Variants in DRAP1 observed in about 807,000 individuals in gnomAD.
DRAP1 encodes the protein dr1-associated corepressor.
In DRAP1, 10 loss-of-function variants were observed where a neutral mutation model predicts 24.1. The observed-to-expected ratio is 0.41, with a 90% CI of 0.26 to 0.70. The LOEUF (loss-of-function observed/expected upper bound fraction) is 0.70. Among genes scored for constraint, DRAP1 ranks in the 30% least tolerant of loss-of-function variants. The probability of loss-of-function intolerance (pLI) is 0.29; values close to 1 mark genes in which losing one functional copy is unlikely to be tolerated. For missense variants in DRAP1, 264 were observed against 275.6 expected (o/e 0.96, Z 0.30); for synonymous variants, 122 against 113.8 (o/e 1.07, Z -0.46).
chr11:65,921,429 C>T lies in DRAP1; in HGVS notation c.612C>T (p.Asp204=). The change falls in exon 7 of 7, where the codon GAC becomes GAT. Residue 204 remains aspartate (D), a synonymous_variant. Transcript: ENST00000312515. The part of the protein sequence containing the change: ...APDEEDEEDY[D]S ...ATGAAGAGGACGAAGAAGATTACGACTCCTAGCGCCTTCTGCCCCCCAGAC... is the reference window on the plus strand; with the variant it reads ...ATGAAGAGGACGAAGAAGATTACGATTCCTAGCGCCTTCTGCCCCCCAGAC... 1 of 1,594,580 alleles carries T rather than the reference C, an allele frequency of 6.3e-7. No individual in the cohort carries two copies. Among genetic ancestry groups the T allele is most frequent in the Non-Finnish European group, 8.6e-7 (1 of 1,162,806 alleles).
chr11:65,920,792 T>C (rs2134834555), intron 5 of DRAP1, 92 bp from the exon 6 acceptor site: 2 of 1,476,082 alleles, frequency 1.4e-6, no homozygotes, highest in Non-Finnish European at 1.8e-6. Flanking sequence ...TATTTGTAAA[T>C]TGGGGCTATG....
chr11:65,921,228 G>C (rs1384025832), intron 6 of DRAP1, 102 bp from the exon 7 acceptor site: 15 of 795,886 alleles, frequency 1.9e-5, no homozygotes, highest in Non-Finnish European at 3.1e-5. Flanking sequence ...CTGGAGGGTG[G>C]TGGTGGGAGG....
rs1854517961 is a variant in DRAP1 at position 65,919,448 on chromosome 11, C to T, written c.-54C>T. On this transcript the variant is annotated 5_prime_UTR_variant, in exon 1 of 7. Transcript: ENST00000312515. Reference sequence around the variant, plus strand: ...GGCGGGCGGCGAGCAGGCCCGGGAGCCGGGAGGCTGCGGGCGGCGGCGCTG... The same window carrying T: ...GGCGGGCGGCGAGCAGGCCCGGGAGTCGGGAGGCTGCGGGCGGCGGCGCTG... The T allele has an allele frequency of 1.3e-6, 2 of 1,510,272 alleles. No homozygotes were observed. The highest frequency in any genetic ancestry group is 2.8e-5 in the East Asian group (1 of 36,164). 93.6% of individuals were successfully genotyped at this position (1,510,272 alleles called of 1,614,324 possible).
rs761156509 is a variant in DRAP1, at chr11:65,919,551, C to T, written c.42+8C>T. On this transcript the variant is annotated splice_region_variant and intron_variant, in intron 1 of 6. Coordinates refer to ENST00000312515, the MANE Select transcript of DRAP1 (RefSeq NM_006442.4). ...AACGCGCGGTTCCCGCCGGTGAGCA[C>T]GTGGCAGAGCCCGGCAGGAGTGGGC... is the stretch of plus-strand genomic sequence containing the variant. 5 of 1,548,128 alleles carry T rather than the reference C, an allele frequency of 3.2e-6. No individual in the cohort carries two copies. Among genetic ancestry groups the T allele is most frequent in the Middle Eastern group, 1.7e-4 (1 of 5,948 alleles).
At position 65,919,949 on chromosome 11, in the gene DRAP1, C is replaced by G. The variant is rs1565298026; in HGVS notation, c.117C>G (p.Ser39=). Residue 39 remains serine, a splice_region_variant and synonymous_variant, in exon 3 of 7, where the codon TCC becomes TCG. Transcript: ENST00000312515. ...GGAGTTCTCCTTGACGCTCCTCAGC[C>G]CGGGCGCTCGAGCTCTTCCTAGAGT... ...KVAAAVPVII[S]RALELFLESL... The G allele has an allele frequency of 9.9e-6, 16 of 1,613,712 alleles. No individual in the cohort carries two copies. The highest frequency in any genetic ancestry group is 1.3e-5 in the Non-Finnish European group (15 of 1,179,912).
Position 65,921,534 on chromosome 11 carries a change from A to T in DRAP1, c.*99A>T, listed in dbSNP as rs1008152189. 6.9e-6 allele frequency: 4 copies of T among 580,112 alleles called. No homozygotes were observed. In the Admixed American group the frequency reaches 8.5e-5, roughly 12 times the overall value. The allele number at this position is 580,112 out of a possible 1,614,324, so 35.9% of individuals were successfully genotyped here. On this transcript the variant is annotated 3_prime_UTR_variant, in exon 7 of 7. Transcript: ENST00000312515. ...CTGTTCTTAAATTTATTAAAAAAAA[A>T]AATAAAAGGGAATCTCAGTGTCTGT...
In DRAP1 at chr11:65,920,623, C is replaced by A. The variant is rs528558933; in HGVS notation, c.384C>A (p.Ser128Arg). 1.1e-5 allele frequency: 17 copies of A among 1,540,448 alleles called. No individual in the cohort carries two copies. The highest frequency in any genetic ancestry group is 3.5e-6 in the Non-Finnish European group (4 of 1,142,292). ...AGAACGGTGGGATGGGAACGAAAAG[C>A]AAGGACAAGAAGCTGTCCGGGACAG... Reference protein sequence around the residue: ...GRKNGGMGTKSKDKKLSGTDS... With the variant: ...GRKNGGMGTKRKDKKLSGTDS... Residue 128 changes from serine to arginine, a missense_variant, in exon 5 of 7, where the codon AGC (serine) becomes AGA (arginine). Ser to Arg is a moderately radical substitution (Grantham distance 110). Transcript: ENST00000312515.
At chr11:65,920,203 A>C (rs1344100956) in intron 3 of DRAP1, 140 bp from the exon 4 acceptor site, 1 of 1,456,184 alleles carries the variant, frequency 6.9e-7, no homozygotes, top group Non-Finnish European at 9.3e-7. Flanking sequence ...AGAGGGAGCC[A>C]CCTGAGTAAA....
At chr11:65,920,801 T>G in intron 5 of DRAP1, 83 bp from the exon 6 acceptor site, 1 of 1,491,072 alleles carries the variant, frequency 6.7e-7, no homozygotes, top group Non-Finnish European at 9.1e-7. Flanking sequence ...ATTGGGGCTA[T>G]GAGGGTCTAC....
At position 65,921,370 on chromosome 11, in the gene DRAP1, T is replaced by C; in HGVS notation, c.553T>C (p.Leu185=). ...PFLPFASTLP[L]PPAPPGPSAP... is the part of the protein sequence containing the mutation. ...CCTGCCCTTCGCCTCTACTCTGCCT[T>C]TGCCCCCAGCGCCCCCGGGCCCCTC... The change falls in exon 7 of 7, where the codon TTG becomes CTG. Residue 185 remains leucine, a synonymous_variant. Coordinates refer to ENST00000312515, the MANE Select transcript of DRAP1 (RefSeq NM_006442.4). 6.2e-7 allele frequency: 1 copy of C among 1,611,674 alleles called. No homozygotes were observed. The highest frequency in any genetic ancestry group is 8.5e-7 in the Non-Finnish European group (1 of 1,178,012).
chr11:65,920,210 T>G (rs1225307041), intron 3 of DRAP1, 133 bp from the exon 4 acceptor site: 2 of 1,479,846 alleles, frequency 1.4e-6, no homozygotes, highest in East Asian at 4.7e-5. Flanking sequence ...GCCACCTGAG[T>G]AAAGCAGGGC....
chr11:65,919,663 A>G (rs990491598), intron 1 of DRAP1, 117 bp from the exon 2 acceptor site: 2 of 1,504,812 alleles, frequency 1.3e-6, no homozygotes, highest in African/African-American at 2.8e-5. Flanking sequence ...CGCCCCCTCC[A>G]TGCCCTCCCC....
chr11:65,921,217 T>A (rs1854546174), intron 6 of DRAP1, 113 bp from the exon 7 acceptor site: 1 of 768,282 alleles, frequency 1.3e-6, no homozygotes, highest in Non-Finnish European at 2.2e-6. Flanking sequence ...GCCGCATGGA[T>A]CTGGAGGGTG....
rs1177846700 is a variant in DRAP1, at chr11:65,921,158, C to T, written c.513-172C>T. 7.4e-6 allele frequency: 5 copies of T among 678,676 alleles called. No individual in the cohort carries two copies. In the South Asian group the frequency reaches 9.8e-5, roughly 13 times the overall value. 42.0% of individuals were successfully genotyped at this position (678,676 alleles called of 1,614,324 possible). Reference sequence around the variant, plus strand: ...AAGATCCTGCTCCACCCTGCCAGGGCCCGTGGGTGGGGCCTGGGCCTGCCC... The same window carrying T: ...AAGATCCTGCTCCACCCTGCCAGGGTCCGTGGGTGGGGCCTGGGCCTGCCC... On this transcript the variant is annotated intron_variant, in intron 6 of 6. Transcript: ENST00000312515.
intron 3 of DRAP1, 24 bp from the exon 4 acceptor site, chr11:65,920,319 C>T (rs1465045600): frequency 6.2e-7 from 1 of 1,613,484 alleles, no homozygotes; most frequent in Admixed American, 1.7e-5. Context: ...CTCTTGAGTG[C>T]CAGCCCCTCC....
chr11:65,919,782 G>A lies in DRAP1; in HGVS notation c.45G>A (p.Ala15=). Reference sequence around the variant, plus strand: ...GAACTCTGCTCCCCCACCCGCAGGCGCGGATCAAGAAGATCATGCAGACGG... The same window carrying A: ...GAACTCTGCTCCCCCACCCGCAGGCACGGATCAAGAAGATCATGCAGACGG... The part of the protein sequence containing the change: ...KKKYNARFPP[A]RIKKIMQTDE... The change falls in exon 2 of 7, where the codon GCG becomes GCA. Residue 15 remains alanine (A), a splice_region_variant and synonymous_variant. Coordinates refer to ENST00000312515, the MANE Select transcript of DRAP1 (RefSeq NM_006442.4). The A allele has an allele frequency of 6.2e-7, 1 of 1,612,966 alleles. No homozygotes were observed. The highest frequency in any genetic ancestry group is 1.7e-5 in the Admixed American group (1 of 60,034).
Position 65,921,452 on chromosome 11 carries a change from G to C in DRAP1, c.*17G>C. 7.2e-7 allele frequency: 1 copy of C among 1,382,634 alleles called. No individual in the cohort carries two copies. The highest frequency in any genetic ancestry group is 1.0e-6 in the Non-Finnish European group (1 of 971,210). The allele number at this position is 1,382,634 out of a possible 1,614,324, so 85.6% of individuals were successfully genotyped here. A position where few individuals can be genotyped will look rare whatever the true frequency, so the allele number is the denominator to read the frequency against. Reference sequence around the variant, plus strand: ...GACTCCTAGCGCCTTCTGCCCCCCAGACCATAGCCCCTTTTAGTTGGTTTT... The same window carrying C: ...GACTCCTAGCGCCTTCTGCCCCCCACACCATAGCCCCTTTTAGTTGGTTTT... On this transcript the variant is annotated 3_prime_UTR_variant, in exon 7 of 7. Transcript: ENST00000312515.
chr11:65,920,990 A>G lies in DRAP1; in HGVS notation c.512+18A>G. On this transcript the variant is annotated intron_variant, in intron 6 of 6. Transcript: ENST00000312515. ...TTTCAGAGGTGAGCAGCCCAGAGGC[A>G]TGGGAGGGTGCTGGCAGACTCCCCA... 6.3e-7 allele frequency: 1 copy of G among 1,584,542 alleles called. No individual in the cohort carries two copies. Among genetic ancestry groups the G allele is most frequent in the African/African-American group, 1.4e-5 (1 of 73,924 alleles).
At chr11:65,919,643 C>T in intron 1 of DRAP1, 100 bp downstream of exon 1, 8 of 1,525,430 alleles carry the variant, frequency 5.2e-6, no homozygotes, top group Non-Finnish European at 7.1e-6. Flanking sequence ...GTTCGGGGGC[C>T]TGGACGCCCC....
Sources: gnomAD v4.1 joint callset for allele counts on GRCh38, gnomAD v4.1.1 for gene constraint, MANE v1.5 for transcripts, NCBI Gene and HGNC (gene_info 2026-07-23, HGNC 2026-07-21) for gene names.